FAM117B: variants seen among roughly 807,000 people sequenced by gnomAD.
The protein encoded by FAM117B is family with sequence similarity 117 member B.
In FAM117B, 22 loss-of-function variants were observed where a neutral mutation model predicts 52.8. That is an observed-to-expected ratio of 0.42 (90% CI 0.30 to 0.59). The LOEUF (loss-of-function observed/expected upper bound fraction) is 0.59, where lower values mean the gene tolerates loss of function less well. FAM117B is among the 20% of genes least tolerant of loss of function. The pLI is 0.22. For missense variants in FAM117B, 678 were observed against 802.6 expected (o/e 0.84, Z 1.88); for synonymous variants, 309 against 324.1 (o/e 0.95, Z 0.50).
intron 4 of FAM117B, among the ~76,000 whole-genome samples, chr2:202,744,446 G>A (rs1376063177): frequency 2.6e-5 from 4 of 152,120 alleles, no homozygotes; most frequent in Non-Finnish European, 5.9e-5. Context: ...TGAGAAATCT[G>A]CCTCCATGTC....
At chr2:202,678,733 T>G (rs1690417339) in intron 1 of FAM117B, among the ~76,000 whole-genome samples, 1 of 152,196 alleles carries the variant, frequency 6.6e-6, no homozygotes, top group Non-Finnish European at 1.5e-5. Context: ...ATTTTGTATT[T>G]TTTTAGTAGA....
intron 7 of FAM117B, 62 bp from the exon 8 acceptor site, chr2:202,765,379 CTTTTT>C: frequency 8.8e-7 from 1 of 1,130,566 alleles, no homozygotes. Context: ...TGTTTCCAAG[CTTTTT>C]TTTTTTTTTA....
intron 4 of FAM117B, among the ~76,000 whole-genome samples, chr2:202,745,215 G>T (rs1691612803): frequency 6.6e-6 from 1 of 151,874 alleles, no homozygotes; most frequent in Non-Finnish European, 1.5e-5. Flanking sequence ...AGGAGGCAGA[G>T]GTTGCAGTGA....
intron 4 of FAM117B, among the ~76,000 whole-genome samples, chr2:202,727,420 ACT>A (rs1452091882): frequency 6.6e-6 from 1 of 152,034 alleles, no homozygotes; most frequent in South Asian, 2.1e-4. Flanking sequence ...TATACATTTG[ACT>A]CTCTATATCT....
intron 4 of FAM117B, among the ~76,000 whole-genome samples, chr2:202,733,090 G>A (rs1009643633): frequency 6.6e-6 from 1 of 152,020 alleles, no homozygotes; most frequent in African/African-American, 2.4e-5. Flanking sequence ...GGCTGCTGGG[G>A]GTGACATCAC....
Position 202,765,737 on chromosome 2 carries a change from A to T in FAM117B, c.1743A>T (p.Pro581=). The T allele has an allele frequency of 6.2e-7, 1 of 1,614,122 alleles. No homozygotes were observed. The highest frequency in any genetic ancestry group is 8.5e-7 in the Non-Finnish European group (1 of 1,180,010). Residue 581 remains proline (P), a synonymous_variant, in exon 8 of 8, where the codon CCA becomes CCT. Transcript: ENST00000392238. ...CATCAGCTTCTCTACTCCCACCACC[A>T]GAACCAATTGAGGAAGCTGAAGGAT... ...VMPSASLLPP[P]EPIEEAEG
At chr2:202,747,167 A>C (rs550078694) in intron 4 of FAM117B, among the ~76,000 whole-genome samples, 2 of 152,346 alleles carry the variant, frequency 1.3e-5, no homozygotes, top group South Asian at 4.1e-4. Flanking sequence ...AACAGAATGT[A>C]GGACAAAAAC....
At chr2:202,724,299 T>C (rs1691203228) in intron 2 of FAM117B, among the ~76,000 whole-genome samples, 1 of 152,162 alleles carries the variant, frequency 6.6e-6, no homozygotes, top group African/African-American at 2.4e-5. Context: ...CGCCTTGGCC[T>C]CCCAAAGTGC....
intron 1 of FAM117B, among the ~76,000 whole-genome samples, chr2:202,681,384 G>C (rs1349958957): frequency 2.0e-5 from 3 of 152,172 alleles, no homozygotes; most frequent in Non-Finnish European, 4.4e-5. Context: ...CAAAAAGTAA[G>C]ATCTAATTAT....
chr2:202,745,992 A>T (rs889586570), intron 4 of FAM117B, among the ~76,000 whole-genome samples: 5 of 152,232 alleles, frequency 3.3e-5, no homozygotes, highest in Non-Finnish European at 5.9e-5. Flanking sequence ...CCCCAATGCA[A>T]TAATAGTTGG....
At chr2:202,646,235 T>C (rs981212688) in intron 1 of FAM117B, among the ~76,000 whole-genome samples, 2 of 152,204 alleles carry the variant, frequency 1.3e-5, no homozygotes, top group African/African-American at 4.8e-5. Context: ...GGTCTTGAAC[T>C]CCTGACCTCA....
intron 1 of FAM117B, among the ~76,000 whole-genome samples, chr2:202,692,760 T>C (rs999249323): frequency 6.6e-6 from 1 of 152,210 alleles, no homozygotes; most frequent in African/African-American, 2.4e-5. Flanking sequence ...TTATGATTTG[T>C]AGTGCTGAGC....
chr2:202,764,581 T>G (rs1276729626), intron 7 of FAM117B, among the ~76,000 whole-genome samples: 1 of 152,216 alleles, frequency 6.6e-6, no homozygotes, highest in South Asian at 2.1e-4. Flanking sequence ...ATTTAGATTT[T>G]TATTGTCATT....
chr2:202,636,546 GGAA>G (rs1422491620), intron 1 of FAM117B, among the ~76,000 whole-genome samples: 1 of 152,150 alleles, frequency 6.6e-6, no homozygotes, highest in Non-Finnish European at 1.5e-5. Context: ...GCTTTCTTGG[GGAA>G]GGTCCTGAAT....
intron 1 of FAM117B, among the ~76,000 whole-genome samples, chr2:202,670,388 C>G (rs536873730): frequency 6.6e-6 from 1 of 150,986 alleles, no homozygotes; most frequent in East Asian, 1.9e-4. Flanking sequence ...CTCCTAAGTT[C>G]AGGTGATTTT....
intron 2 of FAM117B, among the ~76,000 whole-genome samples, 198 bp downstream of exon 2, chr2:202,696,230 T>C (rs1690710036): frequency 6.6e-6 from 1 of 152,218 alleles, no homozygotes; most frequent in African/African-American, 2.4e-5. Context: ...GGAATGTGCA[T>C]TTTAAATAGC....
In FAM117B at chr2:202,644,877, T is replaced by C. The variant is rs1446384567; in HGVS notation, c.601+9089T>C. ...GTTACCACCATTCTGAAATGAGGAT[T>C]GCCTTGTTGTGAGGTGTTTCATTGT... On this transcript the variant is annotated intron_variant, in intron 1 of 7. Coordinates refer to ENST00000392238, the MANE Select transcript of FAM117B (RefSeq NM_173511.4). 2.0e-5 allele frequency among the ~76,000 whole-genome samples: 3 copies of C among 152,234 alleles called. No homozygotes were observed. The East Asian group carries it at 5.8e-4, about 29-fold the overall frequency.
intron 1 of FAM117B, among the ~76,000 whole-genome samples, chr2:202,679,706 T>C (rs1212157234): frequency 4.6e-5 from 7 of 152,320 alleles, no homozygotes; most frequent in Middle Eastern, 6.8e-3. Flanking sequence ...AAACAAACTT[T>C]AAGGATCAAG....
At position 202,661,457 on chromosome 2, in the gene FAM117B, G is replaced by A. The variant is rs149723044; in HGVS notation, c.601+25669G>A. ...ATGCTAAGTGTTTTGAATATGTAAT[G>A]TAATTCTTAAACTGCCTTTATAAAG... On this transcript the variant is annotated intron_variant, in intron 1 of 7. Transcript: ENST00000392238. Among the ~76,000 whole-genome samples, 15 of 152,258 alleles carry A rather than the reference G, an allele frequency of 9.9e-5. No homozygotes were observed. In the East Asian group the frequency reaches 2.9e-3, roughly 29 times the overall value.
Sources: allele counts gnomAD v4.1 joint callset (sites outside exome capture counted in the v4.1 genomes callset), GRCh38; gene constraint gnomAD v4.1.1; transcripts MANE v1.5; gene names NCBI Gene and HGNC (gene_info 2026-07-23, HGNC 2026-07-21).